Variants in CCM2 observed in about 807,000 individuals in gnomAD.
CCM2 encodes CCM2 scaffold protein, also known as cerebral cavernous malformations 2 protein.
In CCM2, 25 loss-of-function variants were observed where a neutral mutation model predicts 44.9. That is an observed-to-expected ratio of 0.56 (90% CI 0.41 to 0.78). The LOEUF is 0.78. Ranked by LOEUF, CCM2 falls within the 30% of genes least tolerant of loss-of-function variation. The probability of loss-of-function intolerance (pLI) is 0.00; values close to 1 mark genes in which losing one functional copy is unlikely to be tolerated. For synonymous variants in CCM2, 219 were observed against 241.1 expected (o/e 0.91, Z 0.85); for missense variants, 481 against 580.6 (o/e 0.83, Z 1.76).
chr7:45,014,122 G>A (rs969200946), intron 1 of CCM2, among the ~76,000 whole-genome samples: 1 of 151,984 alleles, frequency 6.6e-6, no homozygotes, highest in Non-Finnish European at 1.5e-5. Flanking sequence ...TCTCTTATTT[G>A]TATTTTTATT....
rs199694310 is a variant in CCM2 at position 45,071,442 on chromosome 7, GA to G, written c.746-1283del. The stretch of plus-strand genomic sequence containing the variant: ...AGCCTTTCCCAAGACCTCCCCGTGG[GA>G]TCCACACACAGATGTGCACACGTTA... On this transcript the variant is annotated intron_variant, in intron 6 of 9. Transcript: ENST00000258781. 1,412 of 195,328 alleles carry G rather than the reference GA, an allele frequency of 7.2e-3. 23 individuals are homozygous for G. The highest frequency in any genetic ancestry group is 0.032 in the African/African-American group (1,340 of 42,066). 12.1% of individuals were successfully genotyped at this position (195,328 alleles called of 1,614,324 possible). A position where few individuals can be genotyped will look rare whatever the true frequency, so the allele number is the denominator to read the frequency against.
rs774845003 is a variant in CCM2 at position 45,000,384 on chromosome 7, C to T, written c.30+21C>T. ...AGAAGGTGAGCGTGCGCGGGGGCGTCCTACTGCTGTGGTCGGCGGGCGGCT... is the reference window on the plus strand; with the variant it reads ...AGAAGGTGAGCGTGCGCGGGGGCGTTCTACTGCTGTGGTCGGCGGGCGGCT... On this transcript the variant is annotated intron_variant, in intron 1 of 9. Transcript: ENST00000258781. 4 of 1,270,356 alleles carry T rather than the reference C, an allele frequency of 3.1e-6. No individual in the cohort carries two copies. The African/African-American group carries it at 4.8e-5, about 15-fold the overall frequency. The allele number at this position is 1,270,356 out of a possible 1,614,324, so 78.7% of individuals were successfully genotyped here. A position where few individuals can be genotyped will look rare whatever the true frequency, so the allele number is the denominator to read the frequency against.
At chr7:44,999,758 C>T (rs893627872), upstream of CCM2, 2 of 448,044 alleles carry the variant, frequency 4.5e-6, no homozygotes, top group Non-Finnish European at 8.9e-6. Flanking sequence ...GCTGGGAAGT[C>T]GGCCGCCGTA....
chr7:45,073,534 C>A lies in CCM2; in HGVS notation c.878C>A (p.Ala293Asp). Residue 293 changes from alanine (A) to aspartate (D), a missense_variant, in exon 8 of 10, where the codon GCC (alanine) becomes GAC (aspartate). Physicochemically the swap from Ala to Asp is moderately radical, Grantham distance 126 (BLOSUM62 -2). Coordinates refer to ENST00000258781, the MANE Select transcript of CCM2 (RefSeq NM_031443.4). ...SKTISESELS[A>D]SATELLQDYM... ...ACCATCAGTGAGAGCGAGCTGAGCG[C>A]CAGCGCCACTGAGCTGCTGCAGGAC... is the stretch of plus-strand genomic sequence containing the variant. 1.2e-6 allele frequency: 2 copies of A among 1,612,800 alleles called. No individual in the cohort carries two copies. The highest frequency in any genetic ancestry group is 8.5e-7 in the Non-Finnish European group (1 of 1,179,822).
Position 45,017,960 on chromosome 7 carries a change from T to A in CCM2, c.30+17597T>A, listed in dbSNP as rs141980746. On this transcript the variant is annotated intron_variant, in intron 1 of 9. Transcript: ENST00000258781. ...TCATTTCATCTTCATTTTTGAAGGA[T>A]AGTTTTACAGCAGCAGTCCCCAACC... Among the ~76,000 whole-genome samples, 442 of 152,346 alleles carry A rather than the reference T, an allele frequency of 2.9e-3. 4 individuals are homozygous for A. Among genetic ancestry groups the A allele is most frequent in the African/African-American group, 0.01 (430 of 41,564 alleles).
chr7:45,010,657 G>A (rs1326316921), intron 1 of CCM2, among the ~76,000 whole-genome samples: 3 of 152,066 alleles, frequency 2.0e-5, no homozygotes, highest in East Asian at 1.9e-4. Context: ...GAATGCAATG[G>A]TGTGATCTCA....
At chr7:45,032,437 C>T (rs1313042859) in intron 1 of CCM2, among the ~76,000 whole-genome samples, 2 of 152,186 alleles carry the variant, frequency 1.3e-5, no homozygotes, top group Non-Finnish European at 2.9e-5. Flanking sequence ...CCTGTTCATT[C>T]CTCTCCTTGT....
chr7:45,018,588 T>G (rs1175509026), intron 1 of CCM2, among the ~76,000 whole-genome samples: 1 of 152,064 alleles, frequency 6.6e-6, no homozygotes, highest in Admixed American at 6.6e-5. Context: ...CTTCAACTCC[T>G]GACCTCCAGT....
At chr7:45,014,794 G>T (rs1323556688) in intron 1 of CCM2, among the ~76,000 whole-genome samples, 1 of 151,010 alleles carries the variant, frequency 6.6e-6, no homozygotes, top group Non-Finnish European at 1.5e-5. Context: ...TCTAATTTTT[G>T]AATTTTTATT....
chr7:45,009,318 A>AAG (rs58158004), intron 1 of CCM2, among the ~76,000 whole-genome samples: 17,710 of 108,480 alleles, frequency 0.16, 3,452 homozygotes, highest in African/African-American at 0.37. Flanking sequence ...AAAAAAAAAA[A>AAG]AAAATTTTTG....
Position 45,000,248 on chromosome 7 carries a change from G to T in CCM2, c.-86G>T. On this transcript the variant is annotated 5_prime_UTR_variant, in exon 1 of 10. Transcript: ENST00000258781. ...GGGCGGCGCCGGGAGCGCGGGGGCG[G>T]CGGGCCCGGGTCGAGCATGTAGCGG... is the stretch of plus-strand genomic sequence containing the variant. 2.4e-6 allele frequency: 2 copies of T among 835,320 alleles called. No individual in the cohort carries two copies. Among genetic ancestry groups the T allele is most frequent in the Non-Finnish European group, 1.5e-6 (1 of 681,174 alleles). 51.7% of individuals were successfully genotyped at this position (835,320 alleles called of 1,614,324 possible). A position where few individuals can be genotyped will look rare whatever the true frequency, so the allele number is the denominator to read the frequency against.
chr7:45,048,133 A>G (rs1210576528), intron 2 of CCM2, among the ~76,000 whole-genome samples: 1 of 152,266 alleles, frequency 6.6e-6, no homozygotes, highest in Non-Finnish European at 1.5e-5. Flanking sequence ...TCTAGATCCT[A>G]GAAGAATCAG....
intron 4 of CCM2, chr7:45,068,082 T>G: frequency 2.7e-6 from 1 of 371,272 alleles, no homozygotes; most frequent in Non-Finnish European, 5.2e-6. Flanking sequence ...GCCTTTCACT[T>G]TCCCATGCCT....
rs148192057 is a variant in CCM2 at position 45,075,856 on chromosome 7, C to T, written c.1134C>T (p.Arg378=). ...FLETIGVKDG[R]GIITDSFGRH... ...AGACCATTGGCGTGAAGGATGGCCG[C>T]GGCATCATCACTGACAGCTTTGGCA... Residue 378 remains arginine (R), a synonymous_variant, in exon 10 of 10, where the codon CGC becomes CGT. Transcript: ENST00000258781. 41 of 1,613,596 alleles carry T rather than the reference C, an allele frequency of 2.5e-5. No individual in the cohort carries two copies. The Admixed American group carries it at 4.2e-4, about 16-fold the overall frequency.
intron 2 of CCM2, among the ~76,000 whole-genome samples, chr7:45,044,266 T>G (rs1482111087): frequency 6.6e-6 from 1 of 152,234 alleles, no homozygotes; most frequent in Non-Finnish European, 1.5e-5. Context: ...CCCGAGTGGC[T>G]GGGACTGCAG....
At position 45,068,252 on chromosome 7, in the gene CCM2, C is replaced by G. The variant is rs564378684; in HGVS notation, c.473-191C>G. 4 of 671,494 alleles carry G rather than the reference C, an allele frequency of 6.0e-6. No individual in the cohort carries two copies. In the South Asian group the frequency reaches 6.9e-5, roughly 12 times the overall value. The allele number at this position is 671,494 out of a possible 1,614,324, so 41.6% of individuals were successfully genotyped here. On this transcript the variant is annotated intron_variant, in intron 4 of 9. Transcript: ENST00000258781. Reference sequence around the variant, plus strand: ...TCTGGTGCCCTTGGAGCTCAGGGGTCGCGTGTTCCCACCCTTATTTAGAGA... The same window carrying G: ...TCTGGTGCCCTTGGAGCTCAGGGGTGGCGTGTTCCCACCCTTATTTAGAGA...
chr7:45,021,521 G>C (rs1050637454), intron 1 of CCM2, among the ~76,000 whole-genome samples: 6 of 151,242 alleles, frequency 4.0e-5, no homozygotes, highest in Admixed American at 3.3e-4. Flanking sequence ...CTGAGATCGC[G>C]CCACTGCACT....
chr7:45,064,999 A>G (rs974086544), intron 4 of CCM2, among the ~76,000 whole-genome samples: 45 of 152,124 alleles, frequency 3.0e-4, no homozygotes, highest in African/African-American at 9.9e-4. Context: ...TGCAGTGGAT[A>G]GGGACCTCAC....
Position 45,054,486 on chromosome 7 carries a change from T to TAA in CCM2, c.205-9422_205-9421dup, listed in dbSNP as rs35483777. On this transcript the variant is annotated intron_variant, in intron 2 of 9. Transcript: ENST00000258781. ...GGGGAGACTGATTTAGGATCAATAT[T>TAA]AAAAAAAAAAACACTTATATCTTGT... Among the ~76,000 whole-genome samples, 122 of 147,334 alleles carry TAA rather than the reference T, an allele frequency of 8.3e-4. 1 individual carries two copies. Among genetic ancestry groups the TAA allele is most frequent in the South Asian group, 6.6e-3 (31 of 4,664 alleles).
Sources: allele counts gnomAD v4.1 joint callset (sites outside exome capture counted in the v4.1 genomes callset), GRCh38; gene constraint gnomAD v4.1.1; transcripts MANE v1.5; gene names NCBI Gene and HGNC (gene_info 2026-07-23, HGNC 2026-07-21).